The following WIF1 variants were observed in gnomAD, a reference collection of about 807,000 sequenced individuals.
WIF1 encodes the protein Wnt inhibitory factor 1.
WIF1 carries 35 observed loss-of-function variants against 53.5 expected under a neutral mutation model. The ratio of observed to expected loss-of-function variants is 0.65; its 90% CI spans 0.50 to 0.87. The LOEUF (loss-of-function observed/expected upper bound fraction) is 0.87. Among genes scored for constraint, WIF1 ranks in the 40% least tolerant of loss-of-function variants. The pLI is 0.00. For missense variants in WIF1, 467 were observed against 476.8 expected (o/e 0.98, Z 0.19); for synonymous variants, 171 against 170.4 (o/e 1.00, Z -0.03).
chr12:65,066,604 A>C, intron 6 of WIF1, 37 bp downstream of exon 6: 1 of 1,546,762 alleles, frequency 6.5e-7, no homozygotes, highest in Non-Finnish European at 8.8e-7. Context: ...ACATTTTAAA[A>C]GTAAAAATAA....
chr12:65,087,385 T>G (rs549715463), intron 2 of WIF1, among the ~76,000 whole-genome samples: 1 of 152,328 alleles, frequency 6.6e-6, no homozygotes, highest in South Asian at 2.1e-4. Context: ...TCCATTTCTT[T>G]CACAGTTCTT....
intron 2 of WIF1, among the ~76,000 whole-genome samples, chr12:65,091,746 A>G (rs1477589884): frequency 1.3e-5 from 2 of 152,192 alleles, no homozygotes; most frequent in African/African-American, 4.8e-5. Flanking sequence ...ATTAATTAAG[A>G]ACAAAATCTT....
chr12:65,060,822 A>G (rs1193797300), intron 7 of WIF1, among the ~76,000 whole-genome samples: 1 of 152,236 alleles, frequency 6.6e-6, no homozygotes, highest in South Asian at 2.1e-4. Flanking sequence ...CGTGATAGAA[A>G]CAGGAAACTT....
chr12:65,108,745 G>A (rs1294154377), intron 2 of WIF1, among the ~76,000 whole-genome samples: 1 of 152,010 alleles, frequency 6.6e-6, no homozygotes, highest in East Asian at 1.9e-4. Context: ...ACCTCCATCC[G>A]TCACCAAAGT....
At chr12:65,102,247 G>A (rs1380047279) in intron 2 of WIF1, among the ~76,000 whole-genome samples, 2 of 152,068 alleles carry the variant, frequency 1.3e-5, no homozygotes, top group Non-Finnish European at 2.9e-5. Context: ...ACCAATAGGA[G>A]TTATATACAG....
intron 2 of WIF1, among the ~76,000 whole-genome samples, chr12:65,086,404 G>A (rs1883038252): frequency 6.6e-6 from 1 of 152,128 alleles, no homozygotes; most frequent in Admixed American, 6.6e-5. Flanking sequence ...GAGGAAGGAA[G>A]CATTAGGCAA....
intron 4 of WIF1, 24 bp downstream of exon 4, chr12:65,068,740 T>C (rs760755980): frequency 6.2e-7 from 1 of 1,611,274 alleles, no homozygotes; most frequent in South Asian, 1.1e-5. Flanking sequence ...ACATGTCTTC[T>C]CTTGAATCAC....
chr12:65,101,652 A>C (rs1883283576), intron 2 of WIF1, among the ~76,000 whole-genome samples: 1 of 152,250 alleles, frequency 6.6e-6, no homozygotes, highest in Non-Finnish European at 1.5e-5. Context: ...ATGCAAAACT[A>C]AGAACAATGC....
intron 6 of WIF1, among the ~76,000 whole-genome samples, chr12:65,063,706 T>C (rs1302780602): frequency 6.6e-6 from 1 of 151,862 alleles, no homozygotes; most frequent in African/African-American, 2.4e-5. Context: ...CTCTTTTTTT[T>C]TTTTTTTTTG....
At chr12:65,084,417 G>A in intron 2 of WIF1, among the ~76,000 whole-genome samples, 1 of 152,086 alleles carries the variant, frequency 6.6e-6, no homozygotes, top group Non-Finnish European at 1.5e-5. Flanking sequence ...TCCCCAACAG[G>A]CATCATCTTC....
intron 6 of WIF1, 60 bp downstream of exon 6, chr12:65,066,581 T>C (rs1882689329): frequency 1.4e-6 from 2 of 1,418,780 alleles, no homozygotes; most frequent in Non-Finnish European, 1.9e-6. Flanking sequence ...ATAAAGTAAC[T>C]TATTCTAATC....
At chr12:65,082,774 G>A (rs182971577) in intron 2 of WIF1, among the ~76,000 whole-genome samples, 2 of 152,198 alleles carry the variant, frequency 1.3e-5, no homozygotes, top group East Asian at 3.9e-4. Flanking sequence ...CTTATTGAGA[G>A]GAATGAAGAG....
intron 6 of WIF1, among the ~76,000 whole-genome samples, chr12:65,066,064 A>G (rs1215203661): frequency 6.6e-6 from 1 of 152,140 alleles, no homozygotes; most frequent in Non-Finnish European, 1.5e-5. Flanking sequence ...TTTAGGACAT[A>G]CTAAAATTCC....
intron 2 of WIF1, among the ~76,000 whole-genome samples, chr12:65,082,197 A>G (rs1301088771): frequency 1.3e-5 from 2 of 152,156 alleles, no homozygotes; most frequent in African/African-American, 4.8e-5. Flanking sequence ...TCCCCATTGG[A>G]AAAACTTATT....
intron 4 of WIF1, among the ~76,000 whole-genome samples, chr12:65,068,080 T>C (rs1882715703): frequency 6.6e-6 from 1 of 152,184 alleles, no homozygotes; most frequent in Non-Finnish European, 1.5e-5. Context: ...TGTACCTTGT[T>C]AAATTCCCAC....
chr12:65,099,945 G>C (rs1883255873), intron 2 of WIF1, among the ~76,000 whole-genome samples: 1 of 151,886 alleles, frequency 6.6e-6, no homozygotes, highest in Non-Finnish European at 1.5e-5. Context: ...CTGAGCATTA[G>C]GAGAATATAT....
intron 2 of WIF1, among the ~76,000 whole-genome samples, chr12:65,120,057 A>G (rs991550177): frequency 1.2e-4 from 18 of 152,238 alleles, no homozygotes; most frequent in Non-Finnish European, 2.2e-4. Flanking sequence ...GAAGAATGTC[A>G]CAAGTGATTA....
intron 2 of WIF1, among the ~76,000 whole-genome samples, chr12:65,081,298 AT>A (rs1882945740): frequency 6.6e-6 from 1 of 152,144 alleles, no homozygotes; most frequent in Non-Finnish European, 1.5e-5. Context: ...AAGTGCAGCA[AT>A]TTGCATAAAA....
At chr12:65,051,528 T>G (rs1424145284) in intron 9 of WIF1, 58 bp from the exon 10 acceptor site, 4 of 1,498,816 alleles carry the variant, frequency 2.7e-6, no homozygotes, top group Non-Finnish European at 3.6e-6. Context: ...CTCTTCAGAT[T>G]CATTATTAAC....
Sources: allele counts gnomAD v4.1 joint callset (sites outside exome capture counted in the v4.1 genomes callset), GRCh38; gene constraint gnomAD v4.1.1; transcripts MANE v1.5; gene names NCBI Gene and HGNC (gene_info 2026-07-23, HGNC 2026-07-21).